The following FOCAD variants were observed in gnomAD, a reference collection of about 807,000 sequenced individuals.
The protein encoded by FOCAD is KIAA1797.
In FOCAD, 198 loss-of-function variants were observed where a neutral mutation model predicts 225.6. The observed-to-expected ratio is 0.88, with a 90% CI of 0.78 to 0.99. The LOEUF is 0.99. Ranked by LOEUF, FOCAD falls within the 50% of genes least tolerant of loss-of-function variation. The pLI is 0.00. For synonymous variants in FOCAD, 897 were observed against 755.0 expected, an observed-to-expected ratio of 1.19 and a Z score of -3.08; for missense variants, 2,713 against 2,123.6, an observed-to-expected ratio of 1.28 and a Z score of -5.46.
intron 28 of FOCAD, among the ~76,000 whole-genome samples, chr9:20,938,633 G>A (rs1394027982): frequency 6.6e-6 from 1 of 152,034 alleles, no homozygotes; most frequent in Non-Finnish European, 1.5e-5. Flanking sequence ...AATGTTAAAT[G>A]ACAAGTTAAT....
At chr9:20,877,949 CTT>C (rs1830366372) in intron 19 of FOCAD, among the ~76,000 whole-genome samples, 1 of 152,098 alleles carries the variant, frequency 6.6e-6, no homozygotes, top group South Asian at 2.1e-4. Flanking sequence ...GGTTACCACT[CTT>C]TATGCAGTCA....
intron 11 of FOCAD, among the ~76,000 whole-genome samples, chr9:20,791,534 T>G (rs1214010590): frequency 1.3e-5 from 2 of 152,200 alleles, no homozygotes; most frequent in Non-Finnish European, 2.9e-5. Flanking sequence ...TTACCTCTAG[T>G]ATTTAGAACA....
chr9:20,844,999 T>C (rs1481727461), intron 15 of FOCAD, among the ~76,000 whole-genome samples: 1 of 152,104 alleles, frequency 6.6e-6, no homozygotes, highest in African/African-American at 2.4e-5. Flanking sequence ...TTTGGGGGCA[T>C]AATCCCTTTC....
At chr9:20,687,912 G>A (rs1822759643) in intron 1 of FOCAD, among the ~76,000 whole-genome samples, 1 of 152,178 alleles carries the variant, frequency 6.6e-6, no homozygotes, top group Admixed American at 6.5e-5. Context: ...AAGGCTTTAT[G>A]GAGGAATTTT....
At chr9:20,926,804 G>T (rs28600368) in intron 26 of FOCAD, among the ~76,000 whole-genome samples, 1 of 142,446 alleles carries the variant, frequency 7.0e-6, no homozygotes. Flanking sequence ...AAAAGAAAAA[G>T]AAAAAAAAAA....
intron 5 of FOCAD, among the ~76,000 whole-genome samples, chr9:20,741,517 A>G (rs1250766795): frequency 6.6e-6 from 1 of 152,026 alleles, no homozygotes; most frequent in African/African-American, 2.4e-5. Context: ...TTTTTTCTTA[A>G]CATATTTTGT....
At chr9:20,820,865 A>G (rs965703861) in intron 13 of FOCAD, 76 bp from the exon 14 acceptor site, 23 of 1,509,642 alleles carry the variant, frequency 1.5e-5, no homozygotes, top group Non-Finnish European at 2.1e-5. Context: ...GGAGGTGAAA[A>G]TGCTGAGTAA....
At chr9:20,954,967 G>A (rs1479298424) in intron 35 of FOCAD, among the ~76,000 whole-genome samples, 2 of 152,182 alleles carry the variant, frequency 1.3e-5, no homozygotes, top group East Asian at 1.9e-4. Context: ...GCATGCAAAC[G>A]AGTGTTTTCT....
chr9:20,865,430 A>G (rs1449060593), intron 16 of FOCAD, among the ~76,000 whole-genome samples: 5 of 152,094 alleles, frequency 3.3e-5, no homozygotes, highest in Admixed American at 6.6e-5. Context: ...TGCTTAATCA[A>G]TTATTTATTA....
At position 20,849,347 on chromosome 9, in the gene FOCAD, C is replaced by T. The variant is rs150316354; in HGVS notation, c.1921-13231C>T. Among the ~76,000 whole-genome samples the T allele has an allele frequency of 7.0e-3, 1,058 of 151,784 alleles. 15 individuals are homozygous for T. Among genetic ancestry groups the T allele is most frequent in the African/African-American group, 0.024 (1,000 of 41,462 alleles). On this transcript the variant is annotated intron_variant, in intron 15 of 43. Coordinates refer to ENST00000338382, the MANE Select transcript of FOCAD (RefSeq NM_001375567.1). Reference sequence around the variant, plus strand: ...CAACCATCTATCCTCTCCTTTCCCCCAACAGTTACTGTCTGCTTCTTGAAA... The same window carrying T: ...CAACCATCTATCCTCTCCTTTCCCCTAACAGTTACTGTCTGCTTCTTGAAA...
chr9:20,709,964 C>G (rs1824698128), intron 1 of FOCAD, among the ~76,000 whole-genome samples: 1 of 152,138 alleles, frequency 6.6e-6, no homozygotes, highest in Non-Finnish European at 1.5e-5. Context: ...GGCTCAGCTT[C>G]TTCACTTCTA....
chr9:20,913,244 T>C (rs1009659295), intron 23 of FOCAD, among the ~76,000 whole-genome samples: 1 of 151,938 alleles, frequency 6.6e-6, no homozygotes, highest in African/African-American at 2.4e-5. Flanking sequence ...CTGTAACTGA[T>C]TATTTTATAT....
chr9:20,963,208 G>C (rs533995331), intron 35 of FOCAD, among the ~76,000 whole-genome samples: 12 of 152,208 alleles, frequency 7.9e-5, no homozygotes, highest in African/African-American at 2.4e-4. Context: ...TTCATTATTG[G>C]ACTGATGTGA....
At chr9:20,793,738 A>C (rs1820780161) in intron 11 of FOCAD, among the ~76,000 whole-genome samples, 1 of 151,984 alleles carries the variant, frequency 6.6e-6, no homozygotes, top group Non-Finnish European at 1.5e-5. Context: ...TCTGGTTAGA[A>C]CTCTCTAAGT....
chr9:20,857,957 A>G (rs754814577), intron 15 of FOCAD, among the ~76,000 whole-genome samples: 18 of 151,848 alleles, frequency 1.2e-4, no homozygotes, highest in Non-Finnish European at 2.2e-4. Context: ...TGATCACGAG[A>G]AACAATCTTT....
intron 11 of FOCAD, among the ~76,000 whole-genome samples, chr9:20,801,471 T>C (rs2131288041): frequency 6.6e-6 from 1 of 152,250 alleles, no homozygotes; most frequent in Non-Finnish European, 1.5e-5. Context: ...CGTGAGCCAC[T>C]GCGCCCACCC....
chr9:20,813,400 T>A (rs963086070), intron 11 of FOCAD, among the ~76,000 whole-genome samples: 3 of 152,166 alleles, frequency 2.0e-5, no homozygotes, highest in Non-Finnish European at 4.4e-5. Flanking sequence ...ATAGAGTAGA[T>A]TAAAAAAAAT....
At chr9:20,778,503 A>G (rs991767991) in intron 8 of FOCAD, among the ~76,000 whole-genome samples, 178 bp from the exon 9 acceptor site, 1 of 152,220 alleles carries the variant, frequency 6.6e-6, no homozygotes, top group Non-Finnish European at 1.5e-5. Flanking sequence ...TACAGGCGTG[A>G]GCTGCCACGC....
chr9:20,917,035 G>A, intron 24 of FOCAD, 98 bp downstream of exon 24: 1 of 888,264 alleles, frequency 1.1e-6, no homozygotes, highest in Non-Finnish European at 1.7e-6. Flanking sequence ...ATAATTTTAA[G>A]GATTTTAGAG....
Sources: gnomAD v4.1 joint callset for allele counts (sites outside exome capture counted in the v4.1 genomes callset) on GRCh38, gnomAD v4.1.1 for gene constraint, MANE v1.5 for transcripts, NCBI Gene and HGNC (gene_info 2026-07-23, HGNC 2026-07-21) for gene names.